Variants in ARMC8 observed in about 807,000 individuals in gnomAD.
ARMC8 encodes the protein armadillo repeat containing 8.
In ARMC8, 20 loss-of-function variants were observed where a neutral mutation model predicts 99.3. The observed-to-expected ratio is 0.20, with a 90% CI of 0.14 to 0.29. The LOEUF (loss-of-function observed/expected upper bound fraction) is 0.29. Among genes scored for constraint, ARMC8 ranks in the 10% least tolerant of loss-of-function variants. ARMC8 has a pLI of 1.00. For synonymous variants in ARMC8, 263 were observed against 278.3 expected (o/e 0.95, Z 0.55); for missense variants, 569 against 809.5 (o/e 0.70, Z 3.60).
At chr3:138,204,201 C>A (rs906799325) in intron 1 of ARMC8, among the ~76,000 whole-genome samples, 3 of 152,108 alleles carry the variant, frequency 2.0e-5, no homozygotes, top group Non-Finnish European at 4.4e-5. Context: ...TCAAGCGATT[C>A]TTGTGCCTCA....
chr3:138,252,432 T>C (rs943924485), intron 12 of ARMC8, among the ~76,000 whole-genome samples: 5 of 151,304 alleles, frequency 3.3e-5, no homozygotes, highest in African/African-American at 1.2e-4. Context: ...GTGCTAATAC[T>C]GCATAGCTAA....
intron 16 of ARMC8, among the ~76,000 whole-genome samples, chr3:138,272,178 C>G (rs1407013881): frequency 6.6e-6 from 1 of 152,148 alleles, no homozygotes; most frequent in Non-Finnish European, 1.5e-5. Flanking sequence ...GTGATACAGC[C>G]CAGCCATGCC....
At chr3:138,264,912 A>G (rs1315414538) in intron 14 of ARMC8, among the ~76,000 whole-genome samples, 1 of 149,876 alleles carries the variant, frequency 6.7e-6, no homozygotes, top group Non-Finnish European at 1.5e-5. Context: ...TTTTTTTTTA[A>G]ATAGACACAG....
At chr3:138,200,208 C>T (rs1013619427) in intron 1 of ARMC8, among the ~76,000 whole-genome samples, 2 of 152,106 alleles carry the variant, frequency 1.3e-5, no homozygotes, top group Non-Finnish European at 2.9e-5. Flanking sequence ...CATTTAAACC[C>T]GTAAATACTC....
chr3:138,195,362 T>C (rs1049524028), intron 1 of ARMC8, among the ~76,000 whole-genome samples: 18 of 152,088 alleles, frequency 1.2e-4, no homozygotes, highest in African/African-American at 4.1e-4. Flanking sequence ...CTTTCTAATC[T>C]TTAATGGCAG....
chr3:138,256,399 C>CTCCTTTTTTTTT (rs1559998385), intron 12 of ARMC8, among the ~76,000 whole-genome samples: 1 of 140,874 alleles, frequency 7.1e-6, no homozygotes, highest in African/African-American at 2.8e-5. Flanking sequence ...TTTTTTCCTC[C>CTCCTTTTTTTTT]TTCTTTTTTT....
chr3:138,218,287 C>T (rs1252734551), intron 2 of ARMC8, among the ~76,000 whole-genome samples: 2 of 152,202 alleles, frequency 1.3e-5, no homozygotes, highest in Non-Finnish European at 2.9e-5. Flanking sequence ...TTCCATTTCA[C>T]ATTCAGCTTA....
At chr3:138,263,460 A>G (rs983234729) in intron 12 of ARMC8, 5 of 411,074 alleles carry the variant, frequency 1.2e-5, no homozygotes, top group African/African-American at 8.1e-5. Flanking sequence ...ACACCTCTGC[A>G]GTACTTATAC....
At chr3:138,245,350 T>G (rs1426791737) in intron 12 of ARMC8, 167 bp downstream of exon 12, 11 of 1,469,392 alleles carry the variant, frequency 7.5e-6, no homozygotes, top group Non-Finnish European at 9.9e-6. Context: ...TTTGGGGGGT[T>G]GTTTGTTTGT....
chr3:138,190,723 G>GTA (rs1293731262), intron 1 of ARMC8, among the ~76,000 whole-genome samples: 2 of 152,008 alleles, frequency 1.3e-5, no homozygotes, highest in African/African-American at 4.8e-5. Context: ...TTTTAACTTT[G>GTA]TATATATATA....
At chr3:138,229,945 A>C (rs368827320) in intron 6 of ARMC8, among the ~76,000 whole-genome samples, 1 of 152,242 alleles carries the variant, frequency 6.6e-6, no homozygotes, top group African/African-American at 2.4e-5. Context: ...ACACAGGTCT[A>C]TGCTGTTTTA....
At chr3:138,196,806 G>T (rs947651834) in intron 1 of ARMC8, among the ~76,000 whole-genome samples, 2 of 152,186 alleles carry the variant, frequency 1.3e-5, no homozygotes, top group African/African-American at 4.8e-5. Flanking sequence ...GGCAGAGGTT[G>T]CAGTGAGCTG....
chr3:138,264,002 C>G (rs2048009872), intron 13 of ARMC8, 129 bp from the exon 14 acceptor site: 1 of 968,150 alleles, frequency 1.0e-6, no homozygotes, highest in Non-Finnish European at 1.6e-6. Context: ...ATAAAGTGGT[C>G]TGATGTAGTT....
intron 12 of ARMC8, among the ~76,000 whole-genome samples, chr3:138,255,319 C>T (rs2047339617): frequency 6.6e-6 from 1 of 151,480 alleles, no homozygotes; most frequent in Non-Finnish European, 1.5e-5. Flanking sequence ...TCTCCTGCCT[C>T]AGCCTCCCAA....
At chr3:138,215,728 A>G (rs749213677) in intron 2 of ARMC8, among the ~76,000 whole-genome samples, 1 of 152,194 alleles carries the variant, frequency 6.6e-6, no homozygotes, top group African/African-American at 2.4e-5. Flanking sequence ...AATACATTAA[A>G]TATCCTAATT....
chr3:138,187,363 G>C lies in ARMC8; in HGVS notation c.-192G>C. ...TTCTGAGAGAACGATTCGTAGGACA[G>C]CCCCTGACGCCATTCCCTTTTGCCC... On this transcript the variant is annotated 5_prime_UTR_variant, in exon 1 of 22. Transcript: ENST00000469044. The C allele has an allele frequency of 3.5e-6, 2 of 575,394 alleles. No homozygotes were observed. Among genetic ancestry groups the C allele is most frequent in the Admixed American group, 3.1e-5 (1 of 32,598 alleles). 35.6% of individuals were successfully genotyped at this position (575,394 alleles called of 1,614,324 possible). A position where few individuals can be genotyped will look rare whatever the true frequency, so the allele number is the denominator to read the frequency against.
chr3:138,276,864 T>C (rs773592125), intron 18 of ARMC8, among the ~76,000 whole-genome samples: 5 of 152,234 alleles, frequency 3.3e-5, no homozygotes, highest in Non-Finnish European at 5.9e-5. Context: ...AGCATGTTTG[T>C]TTATAAATAT....
chr3:138,246,549 G>A, intron 12 of ARMC8: 2 of 985,592 alleles, frequency 2.0e-6, no homozygotes, highest in Non-Finnish European at 2.4e-6. Context: ...ATTTGGTTTA[G>A]GATGGTTATT....
chr3:138,252,891 T>C (rs2108220433), intron 12 of ARMC8, among the ~76,000 whole-genome samples: 1 of 152,150 alleles, frequency 6.6e-6, no homozygotes, highest in East Asian at 1.9e-4. Flanking sequence ...GTTGTCTGAC[T>C]TTCTGAAGAA....
Sources: gnomAD v4.1 joint callset for allele counts (sites outside exome capture counted in the v4.1 genomes callset) on GRCh38, gnomAD v4.1.1 for gene constraint, MANE v1.5 for transcripts, NCBI Gene and HGNC (gene_info 2026-07-23, HGNC 2026-07-21) for gene names.